Variants in SLC4A10 observed in about 807,000 individuals in gnomAD.
SLC4A10 encodes the protein solute carrier family 4 member 10.
In SLC4A10, 42 loss-of-function variants were observed where a neutral mutation model predicts 137.7. That is an observed-to-expected ratio of 0.30 (90% CI 0.24 to 0.39). The LOEUF (loss-of-function observed/expected upper bound fraction) is 0.39, where lower values mean the gene tolerates loss of function less well. SLC4A10 is among the 10% of genes least tolerant of loss of function. SLC4A10 has a pLI of 1.00. For synonymous variants in SLC4A10, 474 were observed against 464.1 expected (o/e 1.02, Z -0.27); for missense variants, 925 against 1,355.0 (o/e 0.68, Z 4.98).
intron 1 of SLC4A10, among the ~76,000 whole-genome samples, chr2:161,707,007 A>G (rs973043684): frequency 4.0e-5 from 6 of 151,582 alleles, no homozygotes; most frequent in African/African-American, 1.4e-4. Flanking sequence ...AAGATATTCA[A>G]TATTTTCTAC....
At chr2:161,864,160 C>A (rs2060599647) in intron 6 of SLC4A10, among the ~76,000 whole-genome samples, 1 of 151,972 alleles carries the variant, frequency 6.6e-6, no homozygotes, top group Non-Finnish European at 1.5e-5. Flanking sequence ...CGAGATCGCG[C>A]CACTGCACTC....
intron 1 of SLC4A10, among the ~76,000 whole-genome samples, chr2:161,753,304 CT>C (rs2049197904): frequency 1.3e-5 from 2 of 152,152 alleles, no homozygotes; most frequent in African/African-American, 2.4e-5. Flanking sequence ...TTAAGCTAAA[CT>C]TTTTTCTGTG....
At chr2:161,771,105 T>G (rs2051540223) in intron 2 of SLC4A10, 51 bp downstream of exon 2, 1 of 1,297,648 alleles carries the variant, frequency 7.7e-7, no homozygotes, top group South Asian at 1.3e-5. Context: ...CAAAAGTATT[T>G]CACAGATAAA....
At chr2:161,925,290 C>T (rs917156689) in intron 15 of SLC4A10, among the ~76,000 whole-genome samples, 17 of 152,174 alleles carry the variant, frequency 1.1e-4, no homozygotes, top group East Asian at 3.9e-4. Context: ...GTGTATGTGT[C>T]GAGGAATTTA....
intron 1 of SLC4A10, among the ~76,000 whole-genome samples, chr2:161,741,270 A>C (rs2047860613): frequency 6.6e-6 from 1 of 151,844 alleles, no homozygotes; most frequent in Non-Finnish European, 1.5e-5. Context: ...AAAAAAAAAA[A>C]AAAAAAGCAC....
intron 3 of SLC4A10, among the ~76,000 whole-genome samples, chr2:161,835,861 T>C (rs2058732672): frequency 6.6e-6 from 1 of 152,182 alleles, no homozygotes. Context: ...GAAACCTTTA[T>C]GGTTTGGGGG....
chr2:161,939,411 C>T (rs1255563654), intron 15 of SLC4A10, among the ~76,000 whole-genome samples: 1 of 152,138 alleles, frequency 6.6e-6, no homozygotes, highest in Non-Finnish European at 1.5e-5. Flanking sequence ...CCCCAACCTT[C>T]CTCTTCACTC....
At chr2:161,932,817 G>T (rs1353498570) in intron 15 of SLC4A10, among the ~76,000 whole-genome samples, 1 of 152,090 alleles carries the variant, frequency 6.6e-6, no homozygotes, top group Non-Finnish European at 1.5e-5. Context: ...TTTCTTTAAT[G>T]CCATTTCTTG....
intron 6 of SLC4A10, among the ~76,000 whole-genome samples, chr2:161,865,652 T>C (rs1191742618): frequency 6.6e-6 from 1 of 152,048 alleles, no homozygotes; most frequent in Non-Finnish European, 1.5e-5. Context: ...TCTGAAAATA[T>C]GTATAGACTT....
Position 161,836,222 on chromosome 2 carries a change from T to C in SLC4A10, c.278-3567T>C, listed in dbSNP as rs773976906. 4.6e-4 allele frequency among the ~76,000 whole-genome samples: 65 copies of C among 140,314 alleles called. 1 individual carries two copies. The Middle Eastern group carries it at 0.014, about 30-fold the overall frequency. The allele number at this position is 140,314 out of a possible 152,430, so 92.1% of individuals were successfully genotyped here. A position where few individuals can be genotyped will look rare whatever the true frequency, so the allele number is the denominator to read the frequency against. On this transcript the variant is annotated intron_variant, in intron 3 of 26. Coordinates refer to ENST00000446997, the MANE Select transcript of SLC4A10 (RefSeq NM_001178015.2). ...CTATGGAAGAAATAATTGAAGACAG[T>C]TGTGGTGGCTCATGCCTGTAATCCC... is the stretch of plus-strand genomic sequence containing the variant.
intron 23 of SLC4A10, among the ~76,000 whole-genome samples, chr2:161,969,496 C>T (rs1357068785): frequency 6.6e-6 from 1 of 152,172 alleles, no homozygotes; most frequent in Admixed American, 6.5e-5. Flanking sequence ...TGCCTTCCTT[C>T]CTACTTAAAT....
chr2:161,969,038 A>C (rs1698076869), intron 23 of SLC4A10, among the ~76,000 whole-genome samples: 1 of 152,202 alleles, frequency 6.6e-6, no homozygotes, highest in South Asian at 2.1e-4. Context: ...AATTGCTCAA[A>C]TTAATTGAGT....
At chr2:161,810,715 C>T (rs934866724) in intron 3 of SLC4A10, among the ~76,000 whole-genome samples, 3 of 151,924 alleles carry the variant, frequency 2.0e-5, no homozygotes, top group Non-Finnish European at 4.4e-5. Flanking sequence ...AGGAATGAAG[C>T]CCACTTTTCT....
At chr2:161,901,088 G>T in intron 12 of SLC4A10, 77 bp downstream of exon 12, 2 of 1,106,800 alleles carry the variant, frequency 1.8e-6, no homozygotes, top group East Asian at 2.6e-5. Context: ...TTGCTATTTT[G>T]GGATCTAATT....
chr2:161,723,101 A>G (rs546481101), intron 1 of SLC4A10, among the ~76,000 whole-genome samples: 1 of 152,106 alleles, frequency 6.6e-6, no homozygotes, highest in Admixed American at 6.5e-5. Context: ...GGCACTCTCC[A>G]GCCTGCTGCC....
At chr2:161,929,695 C>T (rs985194050) in intron 15 of SLC4A10, among the ~76,000 whole-genome samples, 1 of 152,172 alleles carries the variant, frequency 6.6e-6, no homozygotes, top group African/African-American at 2.4e-5. Context: ...GGGCCCTCCC[C>T]TTACTGTGCT....
intron 1 of SLC4A10, among the ~76,000 whole-genome samples, chr2:161,664,495 T>C (rs1337986910): frequency 6.6e-6 from 1 of 151,942 alleles, no homozygotes; most frequent in African/African-American, 2.4e-5. Context: ...TACAGTGGCT[T>C]CTTGTAAATA....
intron 21 of SLC4A10, among the ~76,000 whole-genome samples, chr2:161,962,472 A>G (rs888388984): frequency 1.3e-5 from 2 of 152,158 alleles, no homozygotes; most frequent in Non-Finnish European, 2.9e-5. Context: ...TTTCTTTCCT[A>G]TTCCTACCTC....
intron 15 of SLC4A10, among the ~76,000 whole-genome samples, chr2:161,924,043 C>T (rs897509743): frequency 2.6e-5 from 4 of 152,102 alleles, no homozygotes; most frequent in African/African-American, 9.7e-5. Context: ...TGCATTAATA[C>T]TCCATCTTAT....
Sources: allele counts gnomAD v4.1 joint callset (sites outside exome capture counted in the v4.1 genomes callset), GRCh38; gene constraint gnomAD v4.1.1; transcripts MANE v1.5; gene names NCBI Gene and HGNC (gene_info 2026-07-23, HGNC 2026-07-21).